ABCD3: variants seen among roughly 807,000 people sequenced by gnomAD.
ABCD3 encodes the protein ATP-binding cassette sub-family D member 3.
Under a neutral mutation model 105.5 loss-of-function variants are expected in ABCD3, and 41 were observed. The ratio of observed to expected loss-of-function variants is 0.39; its 90% confidence interval spans 0.30 to 0.50. ABCD3 has a LOEUF of 0.50. Ranked by LOEUF, ABCD3 falls within the 20% of genes least tolerant of loss-of-function variation. The probability of loss-of-function intolerance (pLI) is 0.84; values close to 1 mark genes in which losing one functional copy is unlikely to be tolerated. For missense variants in ABCD3, 622 were observed against 806.3 expected (o/e 0.77, Z 2.77); for synonymous variants, 258 against 269.0 (o/e 0.96, Z 0.40).
chr1:94,446,526 C>T (rs1429587437), intron 1 of ABCD3, among the ~76,000 whole-genome samples: 1 of 152,212 alleles, frequency 6.6e-6, no homozygotes, highest in East Asian at 1.9e-4. Flanking sequence ...GCGCATAGCA[C>T]AGCTCCTGAT....
intron 1 of ABCD3, among the ~76,000 whole-genome samples, chr1:94,436,360 G>A (rs746860189): frequency 3.9e-5 from 6 of 152,160 alleles, no homozygotes; most frequent in South Asian, 2.1e-4. Context: ...ATTCAGTTGC[G>A]TTATCCCACT....
At chr1:94,455,145 T>C (rs955924652) in intron 1 of ABCD3, among the ~76,000 whole-genome samples, 7 of 152,218 alleles carry the variant, frequency 4.6e-5, no homozygotes, top group South Asian at 4.1e-4. Context: ...TTGGAACTTA[T>C]ATCAGGTTAA....
At chr1:94,387,695 T>A in the ABCD3 span, among the ~76,000 whole-genome samples, 1 of 152,218 alleles carries the variant, frequency 6.6e-6, no homozygotes, top group Non-Finnish European at 1.5e-5. Flanking sequence ...ACTTTTATTC[T>A]GCATGGGTGA....
At chr1:94,401,752 T>C in the ABCD3 span, among the ~76,000 whole-genome samples, 2 of 152,222 alleles carry the variant, frequency 1.3e-5, no homozygotes, top group Non-Finnish European at 2.9e-5. Context: ...TTAAGATCTT[T>C]CTTTTTAAAA....
At chr1:94,421,116 A>G (rs1041648960) in intron 1 of ABCD3, among the ~76,000 whole-genome samples, 2 of 152,164 alleles carry the variant, frequency 1.3e-5, no homozygotes, top group African/African-American at 2.4e-5. Context: ...CACATATAAA[A>G]AATAAATAGA....
chr1:94,494,745 A>T (rs529609144), intron 16 of ABCD3, among the ~76,000 whole-genome samples: 1 of 152,196 alleles, frequency 6.6e-6, no homozygotes, highest in Non-Finnish European at 1.5e-5. Flanking sequence ...AGACATATTT[A>T]TCTGTCTAGA....
chr1:94,516,226 C>T (rs1375858373), intron 22 of ABCD3, among the ~76,000 whole-genome samples: 7 of 151,946 alleles, frequency 4.6e-5, no homozygotes, highest in Non-Finnish European at 8.8e-5. Context: ...GTTATTGAGC[C>T]TTACCTTCCT....
chr1:94,472,047 C>T, intron 4 of ABCD3: 1 of 172,094 alleles, frequency 5.8e-6, no homozygotes, highest in Non-Finnish European at 1.2e-5. Flanking sequence ...TTTATTTTCA[C>T]CCATTTGGCT....
the ABCD3 span, among the ~76,000 whole-genome samples, chr1:94,387,220 A>G: frequency 6.6e-6 from 1 of 152,164 alleles, no homozygotes; most frequent in Non-Finnish European, 1.5e-5. Flanking sequence ...CCACTCTGAC[A>G]CCACTTCACT....
chr1:94,508,363 G>T (rs1415072928), intron 21 of ABCD3, among the ~76,000 whole-genome samples: 1 of 152,092 alleles, frequency 6.6e-6, no homozygotes, highest in Middle Eastern at 3.2e-3. Flanking sequence ...CTCTGTTTTG[G>T]TAACAGTACC....
chr1:94,422,517 C>G (rs777507946), intron 1 of ABCD3, among the ~76,000 whole-genome samples: 1 of 152,152 alleles, frequency 6.6e-6, no homozygotes, highest in African/African-American at 2.4e-5. Flanking sequence ...TCTAGGTATC[C>G]CCTACTCTAG....
intron 8 of ABCD3, chr1:94,478,559 C>CA: frequency 6.3e-7 from 1 of 1,596,864 alleles, no homozygotes; most frequent in Middle Eastern, 2.0e-4. Context: ...AAAAACCAGA[C>CA]AAATGTATTG....
chr1:94,491,201 T>C lies in ABCD3; in HGVS notation c.1340T>C (p.Leu447Ser). 6.2e-7 allele frequency: 1 copy of C among 1,612,284 alleles called. No individual in the cohort carries two copies. The highest frequency in any genetic ancestry group is 8.5e-7 in the Non-Finnish European group (1 of 1,178,696). ...CTCTATAGGTTTGATCATGTTCCTT[T>C]AGCAACGCCAAATGGAGATGTTTTG... The part of the protein sequence containing the change: ...DNIIKFDHVP[L>S]ATPNGDVLIR... Residue 447 changes from leucine (L) to serine (S), a missense_variant, in exon 16 of 23, where the codon TTA becomes TCA. Physicochemically the swap from Leu to Ser is moderately radical, Grantham distance 145 (BLOSUM62 -2). This residue lies in a region of ABCD3 where 285 missense variants were observed against 352.5 expected (regional missense o/e 0.81). Coordinates refer to ENST00000370214, the MANE Select transcript of ABCD3 (RefSeq NM_002858.4).
intron 15 of ABCD3, 150 bp downstream of exon 15, chr1:94,490,125 T>C: frequency 2.9e-6 from 2 of 680,558 alleles, no homozygotes; most frequent in Non-Finnish European, 5.1e-6. Context: ...AAAAATTGTG[T>C]ATATTAATAT....
chr1:94,429,547 C>T (rs1327971001), intron 1 of ABCD3, among the ~76,000 whole-genome samples: 1 of 152,200 alleles, frequency 6.6e-6, no homozygotes, highest in African/African-American at 2.4e-5. Flanking sequence ...TGGTGCCCTG[C>T]ATCCCAGCCA....
chr1:94,427,772 G>A (rs926803981), intron 1 of ABCD3, among the ~76,000 whole-genome samples: 3 of 152,192 alleles, frequency 2.0e-5, no homozygotes, highest in Non-Finnish European at 2.9e-5. Flanking sequence ...CACTGTGCTC[G>A]ACCCTATTAG....
In ABCD3 at chr1:94,498,648, G is replaced by A. The variant is rs1331479422; in HGVS notation, c.1433G>A (p.Gly478Glu). 1 of 1,613,556 alleles carries A rather than the reference G, an allele frequency of 6.2e-7. No homozygotes were observed. The highest frequency in any genetic ancestry group is 1.7e-5 in the Admixed American group (1 of 59,962). The stretch of plus-strand genomic sequence containing the variant: ...CTAATTTGTGGTCCAAATGGCTGCG[G>A]AAAGAGTTCACTTTTCCGTGTTCTT... The part of the protein sequence containing the change: ...NVLICGPNGC[G>E]KSSLFRVLGE... The change falls in exon 17 of 23, where the codon GGA (glycine) becomes GAA (glutamate). Residue 478 changes from glycine to glutamate, a missense_variant. By Grantham distance (98) the Gly-to-Glu change is moderately conservative. Around this residue, in one of 4 missense-constraint regions of ABCD3, gnomAD observed 285 missense variants for 352.5 expected, o/e 0.81. Coordinates refer to ENST00000370214, the MANE Select transcript of ABCD3 (RefSeq NM_002858.4).
At chr1:94,466,911 T>A (rs1648167160) in intron 3 of ABCD3, among the ~76,000 whole-genome samples, 1 of 152,156 alleles carries the variant, frequency 6.6e-6, no homozygotes. Flanking sequence ...TTACTTTAAC[T>A]TCTATGTCAC....
intron 21 of ABCD3, chr1:94,514,440 T>TG (rs528436015): frequency 1.3e-5 from 2 of 151,842 alleles, no homozygotes; most frequent in Non-Finnish European, 2.9e-5. Flanking sequence ...TATCTATTAA[T>TG]GTTTTTTTTT....
Sources: gnomAD v4.1 joint callset for allele counts (sites outside exome capture counted in the v4.1 genomes callset) on GRCh38, gnomAD v4.1.1 for gene constraint, gnomAD v4.1.1 regional missense constraint, MANE v1.5 for transcripts, NCBI Gene and HGNC (gene_info 2026-07-23, HGNC 2026-07-21) for gene names.